EPHA8: variants seen among roughly 807,000 people sequenced by gnomAD.
EPHA8 encodes the protein ephrin type-A receptor 8.
EPHA8 carries 58 observed loss-of-function variants against 103.6 expected under a neutral mutation model. That is an observed-to-expected ratio of 0.56 (90% confidence interval 0.45 to 0.70). The LOEUF is 0.70. Among genes scored for constraint, EPHA8 ranks in the 30% least tolerant of loss-of-function variants. The pLI is 0.00. For missense variants in EPHA8, 1,304 were observed against 1,395.2 expected (o/e 0.93, Z 1.04); for synonymous variants, 559 against 572.5 (o/e 0.98, Z 0.34).
Position 22,597,780 on chromosome 1 carries a change from C to A in EPHA8, c.2035C>A (p.Arg679=). The A allele has an allele frequency of 6.2e-7, 1 of 1,613,186 alleles. No individual in the cohort carries two copies. Among genetic ancestry groups the A allele is most frequent in the African/African-American group, 1.3e-5 (1 of 75,050 alleles). ...AGCCGGCTACACGGAGAGACAGAGG[C>A]GGGACTTCCTGAGCGAGGCGTCCAT... The part of the protein sequence containing the change: ...LKAGYTERQR[R]DFLSEASIMG... The change falls in exon 11 of 17, where the codon CGG becomes AGG. Residue 679 remains arginine, a synonymous_variant. Transcript: ENST00000166244. This position sits in a 1 kb window ranked among gnomAD's most constrained non-coding sequence, Gnocchi z 4.6.
chr1:22,577,975 A>ATG (rs1640782717), intron 3 of EPHA8, among the ~76,000 whole-genome samples: 1 of 12,806 alleles, frequency 7.8e-5, no homozygotes. Flanking sequence ...GCATGTGCGT[A>ATG]TGTGTGCATG....
chr1:22,599,773 A>G (rs1570036383), intron 13 of EPHA8, among the ~76,000 whole-genome samples: 5 of 57,542 alleles, frequency 8.7e-5, no homozygotes, highest in African/African-American at 1.6e-4. Flanking sequence ...GGAGAGAGGG[A>G]GGAAGGGGGA....
chr1:22,573,834 C>G (rs957249966), intron 2 of EPHA8, among the ~76,000 whole-genome samples: 3 of 152,224 alleles, frequency 2.0e-5, no homozygotes, highest in African/African-American at 7.2e-5. Flanking sequence ...ATTGCAGTGC[C>G]AGGTTGACAG....
rs1396986101 is a variant in EPHA8, at chr1:22,597,351, G to A, written c.1805G>A (p.Gly602Glu). 1 of 1,611,742 alleles carries A rather than the reference G, an allele frequency of 6.2e-7. No individual in the cohort carries two copies. The change falls in exon 10 of 17, where the codon GGA becomes GAA. Residue 602 changes from glycine to glutamate, a missense_variant. Gly to Glu is a moderately conservative substitution (Grantham distance 98). Coordinates refer to ENST00000166244, the MANE Select transcript of EPHA8 (RefSeq NM_020526.5). This position sits in a 1 kb window ranked among gnomAD's most constrained non-coding sequence, Gnocchi z 4.6. ...TTCCTGCCTCTGCATCACCCCCCGG[G>A]AAAGCTCCCAGAGCCCCAGTTCTAT... ...PVFLPLHHPP[G>E]KLPEPQFYAE...
At chr1:22,583,947 C>T (rs74060298) in intron 3 of EPHA8, among the ~76,000 whole-genome samples, 2,532 of 152,322 alleles carry the variant, frequency 0.017, 71 homozygotes, top group African/African-American at 0.058. Context: ...TGGAAGCTCC[C>T]TAAGAGCAGG....
rs544912245 is a variant in EPHA8 at position 22,576,300 on chromosome 1, C to G, written c.243C>G (p.Asn81Lys). The G allele has an allele frequency of 1.3e-5, 21 of 1,613,942 alleles. No homozygotes were observed. The African/African-American group carries it at 2.3e-4, about 17-fold the overall frequency. Residue 81 changes from asparagine (N) to lysine (K), a missense_variant, in exon 3 of 17, where the codon AAC (asparagine) becomes AAG (lysine). Coordinates refer to ENST00000166244, the MANE Select transcript of EPHA8 (RefSeq NM_020526.5). The surrounding 1 kb of genome is among the most constrained non-coding windows in gnomAD (Gnocchi z 4.8). ...QVCNVMSPNQ[N>K]NWLRTSWVPR... ...GCAACGTCATGAGCCCCAACCAGAACAACTGGCTGCGCACGAGCTGGGTCC... is the reference window on the plus strand; with the variant it reads ...GCAACGTCATGAGCCCCAACCAGAAGAACTGGCTGCGCACGAGCTGGGTCC...
chr1:22,577,236 C>T lies in EPHA8; in HGVS notation c.823+356C>T, dbSNP rs192715014. 4.6e-3 allele frequency among the ~76,000 whole-genome samples: 698 copies of T among 152,288 alleles called. 2 individuals carry two copies. Among genetic ancestry groups the T allele is most frequent in the African/African-American group, 0.015 (638 of 41,558 alleles). The stretch of plus-strand genomic sequence containing the variant: ...ATACCATGGGCTAACTCAGGTCAGA[C>T]ATAGTTCTAAGCACTTTGCGAGTAT... On this transcript the variant is annotated intron_variant, in intron 3 of 16. Transcript: ENST00000166244.
rs896975343 is a variant in EPHA8 at position 22,603,483 on chromosome 1, C to G, written c.*1742C>G. Reference sequence around the variant, plus strand: ...GGGCCTGGCACTTGCAAAAGTGTGGCCCCTCACTCTAGTGTGTGGTCCCTC... The same window carrying G: ...GGGCCTGGCACTTGCAAAAGTGTGGGCCCTCACTCTAGTGTGTGGTCCCTC... On this transcript the variant is annotated 3_prime_UTR_variant, in exon 17 of 17. Coordinates refer to ENST00000166244, the MANE Select transcript of EPHA8 (RefSeq NM_020526.5). The G allele has an allele frequency of 6.6e-6, 1 of 152,266 alleles. No homozygotes were observed. The highest frequency in any genetic ancestry group is 1.5e-5 in the Non-Finnish European group (1 of 67,968). 9.4% of individuals were successfully genotyped at this position (152,266 alleles called of 1,614,324 possible). A position where few individuals can be genotyped will look rare whatever the true frequency, so the allele number is the denominator to read the frequency against.
intron 3 of EPHA8, among the ~76,000 whole-genome samples, chr1:22,578,106 GCATGTGTGCGTGAGTGTA>G (rs2124525667): frequency 1.5e-5 from 1 of 66,232 alleles, no homozygotes; most frequent in East Asian, 6.3e-4. Flanking sequence ...GTCAGTGTAT[GCATGTGTGCGTGAGTGTA>G]TGCATGTGTG....
At chr1:22,578,098 C>T (rs796082209) in intron 3 of EPHA8, among the ~76,000 whole-genome samples, 1 of 9,316 alleles carries the variant, frequency 1.1e-4, no homozygotes, top group East Asian at 6.6e-4. Flanking sequence ...CATGTAGCGT[C>T]AGTGTATGCA....
chr1:22,587,374 T>C (rs1641245491), intron 4 of EPHA8, among the ~76,000 whole-genome samples: 1 of 152,184 alleles, frequency 6.6e-6, no homozygotes, highest in South Asian at 2.1e-4. Flanking sequence ...AATGAGGGTG[T>C]CTTGTGAGCT....
At chr1:22,586,019 C>T (rs1029135063) in intron 3 of EPHA8, among the ~76,000 whole-genome samples, 14 of 152,314 alleles carry the variant, frequency 9.2e-5, no homozygotes, top group African/African-American at 3.1e-4. Flanking sequence ...CCTGCTTCCT[C>T]ATCCCACCCA....
At chr1:22,585,395 G>C (rs1472178713) in intron 3 of EPHA8, among the ~76,000 whole-genome samples, 2 of 152,152 alleles carry the variant, frequency 1.3e-5, no homozygotes, top group Non-Finnish European at 2.9e-5. Flanking sequence ...CCTCAACCTA[G>C]GGTATCCCCC....
In EPHA8 at chr1:22,569,879, C is replaced by T. The variant is rs1640476490; in HGVS notation, c.159+526C>T. On this transcript the variant is annotated intron_variant, in intron 2 of 16. Coordinates refer to ENST00000166244, the MANE Select transcript of EPHA8 (RefSeq NM_020526.5). The surrounding 1 kb of genome is among the most constrained non-coding windows in gnomAD (Gnocchi z 4.5). The stretch of plus-strand genomic sequence containing the variant: ...GGGAAGGGCTGCAGTGAGCAGGCTG[C>T]ACTGCCCCGTCCCTCTGCTTCTCTT... Among the ~76,000 whole-genome samples, 1 of 152,178 alleles carries T rather than the reference C, an allele frequency of 6.6e-6. No homozygotes were observed.
intron 3 of EPHA8, among the ~76,000 whole-genome samples, chr1:22,583,779 C>T (rs1434449038): frequency 1.3e-5 from 2 of 152,212 alleles, no homozygotes; most frequent in Non-Finnish European, 2.9e-5. Flanking sequence ...TAGACGAGGA[C>T]AGGAACCCAG....
rs1005675 is a variant in EPHA8 at position 22,596,535 on chromosome 1, C to A, written c.1765+362C>A. 2.2e-3 allele frequency among the ~76,000 whole-genome samples: 342 copies of A among 152,246 alleles called. 4 individuals carry two copies. Among genetic ancestry groups the A allele is most frequent in the Admixed American group, 0.016 (245 of 15,304 alleles). The stretch of plus-strand genomic sequence containing the variant: ...GCGAATCTGGAGATGCCTCCCTCCA[C>A]ACCCCACTCCTGTGCCCGTGGCAGA... On this transcript the variant is annotated intron_variant, in intron 9 of 16. Transcript: ENST00000166244.
At position 22,567,325 on chromosome 1, in the gene EPHA8, C is replaced by T. The variant is rs1640388556; in HGVS notation, c.95-1964C>T. On this transcript the variant is annotated intron_variant, in intron 1 of 16. Coordinates refer to ENST00000166244, the MANE Select transcript of EPHA8 (RefSeq NM_020526.5). The surrounding 1 kb of genome is among the most constrained non-coding windows in gnomAD (Gnocchi z 4.2). ...GGCTTTGCTGGTCTGGGGGAAACTG[C>T]AGTGCGGCCCCCTCCCCCTCCCACC... 6.6e-6 allele frequency among the ~76,000 whole-genome samples: 1 copy of T among 152,160 alleles called. No homozygotes were observed. Among genetic ancestry groups the T allele is most frequent in the South Asian group, 2.1e-4 (1 of 4,826 alleles).
At chr1:22,581,191 T>G (rs546977184) in intron 3 of EPHA8, among the ~76,000 whole-genome samples, 9 of 152,182 alleles carry the variant, frequency 5.9e-5, no homozygotes, top group Non-Finnish European at 1.2e-4. Context: ...GTTGCCTGAC[T>G]CCAGCACCTT....
intron 2 of EPHA8, among the ~76,000 whole-genome samples, chr1:22,575,934 T>G (rs1393723344): frequency 6.6e-6 from 1 of 151,990 alleles, no homozygotes; most frequent in African/African-American, 2.4e-5. Context: ...CAGGACCGAT[T>G]CCCGTCCAGC....
Sources: allele counts gnomAD v4.1 joint callset (sites outside exome capture counted in the v4.1 genomes callset), GRCh38; gene constraint gnomAD v4.1.1; non-coding constraint Gnocchi (gnomAD v3.1); transcripts MANE v1.5; gene names NCBI Gene and HGNC (gene_info 2026-07-23, HGNC 2026-07-21).